CAMK2B: variants seen among roughly 807,000 people sequenced by gnomAD.
CAMK2B encodes calcium/calmodulin dependent protein kinase II beta, also known as calcium/calmodulin-dependent protein kinase type II subunit beta.
A neutral mutation model predicts 93.7 loss-of-function variants in CAMK2B; 27 were observed. The ratio of observed to expected loss-of-function variants is 0.29; its 90% CI spans 0.21 to 0.40. The LOEUF is 0.40. Among genes scored for constraint, CAMK2B ranks in the 10% least tolerant of loss-of-function variants. CAMK2B has a pLI of 1.00. For synonymous variants in CAMK2B, 374 were observed against 358.8 expected (o/e 1.04, Z -0.48); for missense variants, 568 against 895.8 (o/e 0.63, Z 4.67).
intron 20 of CAMK2B, among the ~76,000 whole-genome samples, chr7:44,221,501 G>A (rs1343629995): frequency 6.7e-6 from 1 of 149,888 alleles, no homozygotes; most frequent in Non-Finnish European, 1.5e-5. Context: ...GCCACGTGCG[G>A]CGCAGGCTGC....
intron 2 of CAMK2B, among the ~76,000 whole-genome samples, chr7:44,275,973 A>T (rs991264290): frequency 6.6e-6 from 1 of 152,156 alleles, no homozygotes; most frequent in Non-Finnish European, 1.5e-5. Context: ...CCTAGAGAGC[A>T]AACTTAAAGG....
rs149234516 is a variant in CAMK2B at position 44,301,552 on chromosome 7, G to A, written c.66-17327C>T. Among the ~76,000 whole-genome samples, 855 of 152,256 alleles carry A rather than the reference G, an allele frequency of 5.6e-3. 8 individuals are homozygous for A. The highest frequency in any genetic ancestry group is 0.02 in the African/African-American group (811 of 41,556). On this transcript the variant is annotated intron_variant, in intron 1 of 23. Coordinates refer to ENST00000395749, the MANE Select transcript of CAMK2B (RefSeq NM_001220.5). ...AGCACTTTGGGAGGCCGAGGTGAGC[G>A]GATCACCTGAGGTCAGGAGTTTGAG... is the stretch of plus-strand genomic sequence containing the variant.
intron 12 of CAMK2B, among the ~76,000 whole-genome samples, chr7:44,240,016 TG>T (rs976504606): frequency 1.3e-5 from 2 of 151,826 alleles, no homozygotes; most frequent in Admixed American, 6.6e-5. Flanking sequence ...GGATGGCGGG[TG>T]GGGGGCACCA....
chr7:44,287,507 G>T (rs1203227714), intron 1 of CAMK2B, among the ~76,000 whole-genome samples: 1 of 152,156 alleles, frequency 6.6e-6, no homozygotes, highest in South Asian at 2.1e-4. Flanking sequence ...AATCTGTCAC[G>T]GGAAGCCCCC....
rs548399483 is a variant in CAMK2B at position 44,225,637 on chromosome 7, G to A, written c.1597+879C>T. On this transcript the variant is annotated intron_variant, in intron 20 of 23. Transcript: ENST00000395749. The surrounding 1 kb of genome is among the most constrained non-coding windows in gnomAD (Gnocchi z 5.0). ...GCCTGCAGCCTGCATCCCCCTCCTC[G>A]AGCCGCTGCTCCTGTGGGTTCACTC... 1.6e-4 allele frequency: 141 copies of A among 880,894 alleles called. No homozygotes were observed. The African/African-American group carries it at 1.9e-3, about 12-fold the overall frequency. The allele number at this position is 880,894 out of a possible 1,614,324, so 54.6% of individuals were successfully genotyped here. A position where few individuals can be genotyped will look rare whatever the true frequency, so the allele number is the denominator to read the frequency against.
intron 1 of CAMK2B, among the ~76,000 whole-genome samples, chr7:44,297,698 A>T (rs576215113): frequency 6.6e-6 from 1 of 152,220 alleles, no homozygotes; most frequent in African/African-American, 2.4e-5. Context: ...TCAAAATTCC[A>T]ATGGCTTTTT....
intron 19 of CAMK2B, among the ~76,000 whole-genome samples, chr7:44,228,535 G>A (rs1164528869): frequency 1.3e-5 from 2 of 152,128 alleles, no homozygotes; most frequent in African/African-American, 4.8e-5. Flanking sequence ...TTTGGAGAGG[G>A]GCCTGGGGCT....
intron 1 of CAMK2B, among the ~76,000 whole-genome samples, chr7:44,305,896 G>A (rs1371035525): frequency 2.6e-5 from 4 of 152,162 alleles, no homozygotes. Flanking sequence ...CTTGACATTG[G>A]CCACGGTGGG....
Position 44,226,937 on chromosome 7 carries a change from C to T in CAMK2B, c.1469-293G>A, listed in dbSNP as rs111155369. On this transcript the variant is annotated intron_variant, in intron 19 of 23. Coordinates refer to ENST00000395749, the MANE Select transcript of CAMK2B (RefSeq NM_001220.5). Reference sequence around the variant, plus strand: ...AGGAGACGTGGGAGACAGAAGGGAACGTGGGGGACAGAGGGGCATGTGGGG... The same window carrying T: ...AGGAGACGTGGGAGACAGAAGGGAATGTGGGGGACAGAGGGGCATGTGGGG... Among the ~76,000 whole-genome samples the T allele has an allele frequency of 9.2e-3, 158 of 17,264 alleles. 9 individuals are homozygous for T. The highest frequency in any genetic ancestry group is 0.05 in the African/African-American group (154 of 3,086). 11.3% of individuals were successfully genotyped at this position (17,264 alleles called of 152,430 possible).
chr7:44,319,679 T>G (rs1207308467), intron 1 of CAMK2B, among the ~76,000 whole-genome samples: 1 of 152,174 alleles, frequency 6.6e-6, no homozygotes, highest in South Asian at 2.1e-4. Flanking sequence ...CCTAATGACC[T>G]TTCAGGCCCT....
At chr7:44,245,044 G>T in intron 6 of CAMK2B, 1 of 449,622 alleles carries the variant, frequency 2.2e-6, no homozygotes, top group South Asian at 1.6e-5. Flanking sequence ...CAGAGGAGGG[G>T]TCAGGGGCTG....
At position 44,286,088 on chromosome 7, in the gene CAMK2B, C is replaced by A. The variant is rs1391996300; in HGVS notation, c.66-1863G>T. On this transcript the variant is annotated intron_variant, in intron 1 of 23. Transcript: ENST00000395749. This position sits in a 1 kb window ranked among gnomAD's most constrained non-coding sequence, Gnocchi z 4.0. ...GCTTTTTGCCTGGTCTGGCTTCAATCCTGGTTAGACGGGGTGACACAGCTC... is the reference window on the plus strand; with the variant it reads ...GCTTTTTGCCTGGTCTGGCTTCAATACTGGTTAGACGGGGTGACACAGCTC... Among the ~76,000 whole-genome samples, 13 of 152,076 alleles carry A rather than the reference C, an allele frequency of 8.5e-5. No homozygotes were observed. The highest frequency in any genetic ancestry group is 8.5e-4 in the Admixed American group (13 of 15,280).
chr7:44,241,643 G>T, intron 11 of CAMK2B, 57 bp downstream of exon 11: 1 of 1,417,024 alleles, frequency 7.1e-7, no homozygotes, highest in Non-Finnish European at 1.0e-6. Flanking sequence ...CCCTGCTCCA[G>T]CCCAGAGGGA....
In CAMK2B at chr7:44,248,833, T is replaced by C. The variant is rs1191707651; in HGVS notation, c.342-1641A>G. On this transcript the variant is annotated intron_variant, in intron 5 of 23. Coordinates refer to ENST00000395749, the MANE Select transcript of CAMK2B (RefSeq NM_001220.5). This position sits in a 1 kb window ranked among gnomAD's most constrained non-coding sequence, Gnocchi z 4.1. ...CCTAATGGGTGATGGACTCCTGAGG[T>C]GTGTGGGGTCAGAAGAAGCCAGGCC... Among the ~76,000 whole-genome samples, 1 of 151,946 alleles carries C rather than the reference T, an allele frequency of 6.6e-6. No homozygotes were observed. The highest frequency in any genetic ancestry group is 1.9e-4 in the East Asian group (1 of 5,184).
intron 2 of CAMK2B, among the ~76,000 whole-genome samples, chr7:44,264,715 C>T (rs1479235135): frequency 6.6e-6 from 1 of 152,242 alleles, no homozygotes; most frequent in Non-Finnish European, 1.5e-5. Context: ...TGCTCCCCCT[C>T]CCTCCCCTCT....
At chr7:44,305,071 AG>A (rs934442561) in intron 1 of CAMK2B, among the ~76,000 whole-genome samples, 19 of 152,326 alleles carry the variant, frequency 1.2e-4, no homozygotes, top group African/African-American at 4.6e-4. Context: ...CTGTGACCTG[AG>A]GCCCTGAACA....
At chr7:44,267,610 C>A (rs2096931782) in intron 2 of CAMK2B, among the ~76,000 whole-genome samples, 2 of 152,128 alleles carry the variant, frequency 1.3e-5, no homozygotes, top group Non-Finnish European at 1.5e-5. Context: ...TACACATGCG[C>A]ACACGTGTGT....
At chr7:44,305,628 G>A (rs1422770446) in intron 1 of CAMK2B, among the ~76,000 whole-genome samples, 1 of 152,222 alleles carries the variant, frequency 6.6e-6, no homozygotes, top group Non-Finnish European at 1.5e-5. Flanking sequence ...GGTGGGGGAG[G>A]TGGGAGCAAG....
At chr7:44,259,804 G>A (rs1274443300) in intron 3 of CAMK2B, among the ~76,000 whole-genome samples, 1 of 152,142 alleles carries the variant, frequency 6.6e-6, no homozygotes, top group African/African-American at 2.4e-5. Flanking sequence ...ACTCTCCCAC[G>A]TGCCGGTTCT....
Sources: allele counts gnomAD v4.1 joint callset (sites outside exome capture counted in the v4.1 genomes callset), GRCh38; gene constraint gnomAD v4.1.1; non-coding constraint Gnocchi (gnomAD v3.1); transcripts MANE v1.5; gene names NCBI Gene and HGNC (gene_info 2026-07-23, HGNC 2026-07-21).